FBN1: variants seen among roughly 807,000 people sequenced by gnomAD.
FBN1 encodes fibrillin-1.
Under a neutral mutation model 365.1 loss-of-function variants are expected in FBN1, and 29 were observed. The ratio of observed to expected loss-of-function variants is 0.08; its 90% CI spans 0.06 to 0.11. FBN1 has a LOEUF of 0.11. Among genes scored for constraint, FBN1 ranks in the 10% least tolerant of loss-of-function variants. The probability of loss-of-function intolerance (pLI) is 1.00; values close to 1 mark genes in which losing one functional copy is unlikely to be tolerated. For missense variants in FBN1, 2,476 were observed against 3,703.2 expected, an observed-to-expected ratio of 0.67 and a Z score of 8.60; for synonymous variants, 1,210 against 1,270.5, an observed-to-expected ratio of 0.95 and a Z score of 1.01.
At chr15:48,475,677 T>C (rs1163292907) in intron 32 of FBN1, among the ~76,000 whole-genome samples, 1 of 152,208 alleles carries the variant, frequency 6.6e-6, no homozygotes, top group East Asian at 1.9e-4. Context: ...ACTTGAATAG[T>C]GGCATGAAAA....
chr15:48,468,168 C>A, intron 37 of FBN1, 66 bp from the exon 38 acceptor site: 1 of 1,588,132 alleles, frequency 6.3e-7, no homozygotes, highest in Non-Finnish European at 8.6e-7. Context: ...AAAATTCAAA[C>A]CCACTTCAGG....
chr15:48,541,834 C>T (rs2044060273), intron 6 of FBN1, among the ~76,000 whole-genome samples: 1 of 150,798 alleles, frequency 6.6e-6, no homozygotes, highest in Non-Finnish European at 1.5e-5. Context: ...AATCATTATT[C>T]CTAATGCAAC....
Position 48,533,985 on chromosome 15 carries a change from G to A in FBN1, c.862+95C>T. The stretch of plus-strand genomic sequence containing the variant: ...ATTCACAGGGATGACAAAGACAGAA[G>A]GATTTAGGAATAATTTGCAAACAAG... On this transcript the variant is annotated intron_variant, in intron 8 of 65. Coordinates refer to ENST00000316623, the MANE Select transcript of FBN1 (RefSeq NM_000138.5). 3 of 1,518,900 alleles carry A rather than the reference G, an allele frequency of 2.0e-6. No individual in the cohort carries two copies. In the East Asian group the frequency reaches 6.8e-5, roughly 35 times the overall value. 94.1% of individuals were successfully genotyped at this position (1,518,900 alleles called of 1,614,324 possible). A position where few individuals can be genotyped will look rare whatever the true frequency, so the allele number is the denominator to read the frequency against.
intron 15 of FBN1, among the ~76,000 whole-genome samples, chr15:48,506,306 T>G (rs1328643280): frequency 6.6e-6 from 1 of 152,228 alleles, no homozygotes; most frequent in South Asian, 2.1e-4. Flanking sequence ...ATGGGACTAT[T>G]AACTTTCTCC....
chr15:48,568,218 C>A (rs1391420791), intron 6 of FBN1, among the ~76,000 whole-genome samples: 2 of 147,364 alleles, frequency 1.4e-5, no homozygotes, highest in Non-Finnish European at 3.0e-5. Context: ...GTTTTATATA[C>A]TAACAATGAA....
intron 37 of FBN1, 72 bp from the exon 38 acceptor site, chr15:48,468,174 T>C (rs2043338857): frequency 6.4e-7 from 1 of 1,570,568 alleles, no homozygotes; most frequent in Non-Finnish European, 8.8e-7. Flanking sequence ...CAAACCCACT[T>C]CAGGAACTGT....
In FBN1 at chr15:48,508,676, C is replaced by T. The variant is rs1566914894; in HGVS notation, c.1743G>A (p.Met581Ile). Residue 581 changes from methionine to isoleucine, a missense_variant, in exon 15 of 66, where the codon ATG becomes ATA. Met to Ile is a conservative substitution (Grantham distance 10). This residue lies in a region of FBN1 where 1,780 missense variants were observed against 2,840.8 expected (regional missense o/e 0.63). Coordinates refer to ENST00000316623, the MANE Select transcript of FBN1 (RefSeq NM_000138.5). ...EDMDECSIRN[M>I]CLNGMCINED... Reference sequence around the variant, plus strand: ...CATTGATACACATTCCATTAAGGCACATGTTCCTTATGCTGCATTCATCCA... The same window carrying T: ...CATTGATACACATTCCATTAAGGCATATGTTCCTTATGCTGCATTCATCCA... 6.2e-7 allele frequency: 1 copy of T among 1,613,782 alleles called. No individual in the cohort carries two copies. The highest frequency in any genetic ancestry group is 8.5e-7 in the Non-Finnish European group (1 of 1,179,710).
At chr15:48,544,106 A>T (rs1283300764) in intron 6 of FBN1, among the ~76,000 whole-genome samples, 3 of 152,068 alleles carry the variant, frequency 2.0e-5, no homozygotes, top group African/African-American at 7.2e-5. Context: ...TAAGTTTGAA[A>T]TTTTTTATAA....
rs397515831 is a variant in FBN1, at chr15:48,437,792, C to T, written c.6289G>A (p.Glu2097Lys). ...CCATCAGGTTCCGTGGGGCAGAGCTCGCAGGGGTCTCCCCAGCCTTCTCCC... is the reference window on the plus strand; with the variant it reads ...CCATCAGGTTCCGTGGGGCAGAGCTTGCAGGGGTCTCCCCAGCCTTCTCCC... ...LKGEGWGDPCELCPTEPDEAF... is the reference protein window; with the variant it reads ...LKGEGWGDPCKLCPTEPDEAF... The change falls in exon 51 of 66, where the codon GAG (glutamate) becomes AAG (lysine). Residue 2097 changes from glutamate (E) to lysine (K), a missense_variant. Around this residue, in one of 5 missense-constraint regions of FBN1, gnomAD observed 1,780 missense variants for 2,840.8 expected, o/e 0.63. Transcript: ENST00000316623. 6 of 1,613,658 alleles carry T rather than the reference C, an allele frequency of 3.7e-6. No homozygotes were observed. Among genetic ancestry groups the T allele is most frequent in the Non-Finnish European group, 4.2e-6 (5 of 1,179,846 alleles).
At chr15:48,541,490 TA>T (rs1177436796) in intron 6 of FBN1, among the ~76,000 whole-genome samples, 1 of 152,222 alleles carries the variant, frequency 6.6e-6, no homozygotes, top group African/African-American at 2.4e-5. Context: ...AAATTGGATC[TA>T]AAAATGTCTT....
chr15:48,487,516 G>T, intron 27 of FBN1, 79 bp from the exon 28 acceptor site: 1 of 1,573,224 alleles, frequency 6.4e-7, no homozygotes, highest in African/African-American at 1.3e-5. Context: ...CCCACCCATT[G>T]CTGGGTGTCC....
At chr15:48,499,384 A>G (rs2043636425) in intron 17 of FBN1, among the ~76,000 whole-genome samples, 1 of 152,234 alleles carries the variant, frequency 6.6e-6, no homozygotes. Context: ...CTTAACTGTT[A>G]ATAAAACTTT....
At chr15:48,523,233 T>C (rs2043875855) in intron 9 of FBN1, among the ~76,000 whole-genome samples, 1 of 152,272 alleles carries the variant, frequency 6.6e-6, no homozygotes, top group South Asian at 2.1e-4. Context: ...TTATGGAATT[T>C]GTACATATAA....
At position 48,436,970 on chromosome 15, in the gene FBN1, C is replaced by G; in HGVS notation, c.6487G>C (p.Glu2163Gln). Reference sequence around the variant, plus strand: ...AAAACTTATTACTCACCTACACATTCATTCCCTGCTAGAATATAACCAAAG... The same window carrying G: ...AAAACTTATTACTCACCTACACATTGATTCCCTGCTAGAATATAACCAAAG... ...CPFGYILAGN[E>Q]CVDTDECSVG... The change falls in exon 53 of 66, where the codon GAA (glutamate) becomes CAA (glutamine). Residue 2163 changes from glutamate to glutamine, a missense_variant. Physicochemically the swap from Glu to Gln is conservative, Grantham distance 29. Around this residue, in one of 5 missense-constraint regions of FBN1, gnomAD observed 1,780 missense variants for 2,840.8 expected, o/e 0.63. Coordinates refer to ENST00000316623, the MANE Select transcript of FBN1 (RefSeq NM_000138.5). The G allele has an allele frequency of 6.3e-7, 1 of 1,592,770 alleles. No individual in the cohort carries two copies. The highest frequency in any genetic ancestry group is 1.1e-5 in the South Asian group (1 of 90,690).
chr15:48,416,998 C>T (rs1325802086), intron 63 of FBN1, among the ~76,000 whole-genome samples: 1 of 152,190 alleles, frequency 6.6e-6, no homozygotes, highest in Admixed American at 6.5e-5. Context: ...CTCTGTTTTA[C>T]AGCTGAAGAA....
chr15:48,547,721 TCACACA>T (rs57915350), intron 6 of FBN1, among the ~76,000 whole-genome samples: 7,933 of 131,068 alleles, frequency 0.061, 215 homozygotes, highest in East Asian at 0.14. Context: ...CTTCTCTCTT[TCACACA>T]CACACACACA....
Position 48,487,374 on chromosome 15 carries a change from C to T in FBN1, c.3401G>A (p.Gly1134Glu). 1 of 1,614,172 alleles carries T rather than the reference C, an allele frequency of 6.2e-7. No individual in the cohort carries two copies. The highest frequency in any genetic ancestry group is 8.5e-7 in the Non-Finnish European group (1 of 1,180,028). Reference protein sequence around the residue: ...CRGGVCHNTEGSYRCECPPGH... With the variant: ...CRGGVCHNTEESYRCECPPGH... The stretch of plus-strand genomic sequence containing the variant: ...AGGCGGGCATTCACAGCGGTAACTT[C>T]CCTCTGTGTTATGGCAAACACCACC... Residue 1134 changes from glycine to glutamate, a missense_variant, in exon 28 of 66, where the codon GGA (glycine) becomes GAA (glutamate). Gly to Glu is a moderately conservative substitution (Grantham distance 98, BLOSUM62 -2). Around this residue, in one of 5 missense-constraint regions of FBN1, gnomAD observed 1,780 missense variants for 2,840.8 expected, o/e 0.63. Coordinates refer to ENST00000316623, the MANE Select transcript of FBN1 (RefSeq NM_000138.5).
intron 30 of FBN1, among the ~76,000 whole-genome samples, chr15:48,484,254 C>T (rs1159644286): frequency 6.6e-6 from 1 of 151,992 alleles, no homozygotes; most frequent in Non-Finnish European, 1.5e-5. Flanking sequence ...CTTATTTTCC[C>T]TATTGTCAAA....
At chr15:48,521,623 G>A (rs756943114) in intron 9 of FBN1, among the ~76,000 whole-genome samples, 21 of 152,266 alleles carry the variant, frequency 1.4e-4, no homozygotes, top group South Asian at 4.1e-4. Flanking sequence ...ACACTGCAGC[G>A]CAGCTCTGGG....
Sources: gnomAD v4.1 joint callset for allele counts (sites outside exome capture counted in the v4.1 genomes callset) on GRCh38, gnomAD v4.1.1 for gene constraint, gnomAD v4.1.1 regional missense constraint, MANE v1.5 for transcripts, NCBI Gene and HGNC (gene_info 2026-07-23, HGNC 2026-07-21) for gene names.